The following VPS35L variants were observed in gnomAD, a reference collection of about 807,000 sequenced individuals.
VPS35L encodes VPS35 endosomal protein-sorting factor-like.
In VPS35L, 83 loss-of-function variants were observed where a neutral mutation model predicts 133.0. The ratio of observed to expected loss-of-function variants is 0.62; its 90% CI spans 0.52 to 0.75. The LOEUF (loss-of-function observed/expected upper bound fraction) is 0.75, where lower values mean the gene tolerates loss of function less well. VPS35L is among the 30% of genes least tolerant of loss of function. The pLI is 0.00. For synonymous variants in VPS35L, 423 were observed against 449.9 expected (o/e 0.94, Z 0.76); for missense variants, 1,083 against 1,206.8 (o/e 0.90, Z 1.52).
At chr16:19,665,335 A>G (rs1597410178) in intron 26 of VPS35L, among the ~76,000 whole-genome samples, 1 of 152,040 alleles carries the variant, frequency 6.6e-6, no homozygotes, top group Admixed American at 6.6e-5. Flanking sequence ...CCCCACCATT[A>G]CCCTTCCCAG....
In VPS35L at chr16:19,695,025, AC is replaced by A. The variant is rs200003033; in HGVS notation, c.2646+3555del. Among the ~76,000 whole-genome samples, 550 of 141,118 alleles carry A rather than the reference AC, an allele frequency of 3.9e-3. 2 individuals are homozygous for A. Among genetic ancestry groups the A allele is most frequent in the African/African-American group, 0.014 (488 of 33,918 alleles). 92.6% of individuals were successfully genotyped at this position (141,118 alleles called of 152,430 possible). ...TGTTTCAGAAAAAAAAAAAAAAAAG[AC>A]AGAGCTCAAGTGATCCGCCCACCTT... On this transcript the variant is annotated intron_variant, in intron 29 of 30. Coordinates refer to ENST00000417362, the MANE Select transcript of VPS35L (RefSeq NM_020314.7).
intron 26 of VPS35L, among the ~76,000 whole-genome samples, chr16:19,664,863 G>T (rs1256864411): frequency 6.7e-6 from 1 of 149,924 alleles, no homozygotes; most frequent in African/African-American, 2.5e-5. Flanking sequence ...TCACATCACC[G>T]CATTCCAGCC....
Position 19,628,662 on chromosome 16 carries a change from T to C in VPS35L, c.1409T>C (p.Leu470Ser). The change falls in exon 17 of 31, where the codon TTA (leucine) becomes TCA (serine). Residue 470 changes from leucine to serine, a missense_variant. Transcript: ENST00000417362. ...CATCTTCTTTTTCGATCACTGGGATTAAACTTGGCCTTGGCTGATCCTCCT... is the reference window on the plus strand; with the variant it reads ...CATCTTCTTTTTCGATCACTGGGATCAAACTTGGCCTTGGCTGATCCTCCT... ...PKHLLFRSLGLNLALADPPES... is the reference protein window; with the variant it reads ...PKHLLFRSLGSNLALADPPES... 1 of 1,596,050 alleles carries C rather than the reference T, an allele frequency of 6.3e-7. No individual in the cohort carries two copies.
At chr16:19,645,446 C>A (rs987980229) in intron 23 of VPS35L, among the ~76,000 whole-genome samples, 16 of 152,218 alleles carry the variant, frequency 1.1e-4, no homozygotes, top group Admixed American at 9.8e-4. Context: ...CCCGGCACCA[C>A]GCCCGGCTAA....
chr16:19,593,753 C>T (rs1221664134), intron 8 of VPS35L, among the ~76,000 whole-genome samples: 1 of 152,044 alleles, frequency 6.6e-6, no homozygotes, highest in African/African-American at 2.4e-5. Context: ...CCCGTCTCTA[C>T]TAAAAATACA....
intron 7 of VPS35L, among the ~76,000 whole-genome samples, chr16:19,583,622 T>C (rs1971773014): frequency 6.6e-6 from 1 of 151,622 alleles, no homozygotes; most frequent in Non-Finnish European, 1.5e-5. Flanking sequence ...CTTGGGAGGC[T>C]GAGGCACGAG....
intron 19 of VPS35L, among the ~76,000 whole-genome samples, chr16:19,636,932 A>C (rs6497394): frequency 0.085 from 12,914 of 152,034 alleles, 738 homozygotes; most frequent in East Asian, 0.22. Context: ...TTGGCCTTTA[A>C]CTCTACCAGC....
rs376322361 is a variant in VPS35L, at chr16:19,699,487, C to A, written c.2647-15C>A. On this transcript the variant is annotated splice_polypyrimidine_tract_variant and intron_variant, in intron 29 of 30. Transcript: ENST00000417362. This position sits in a 1 kb window ranked among gnomAD's most constrained non-coding sequence, Gnocchi z 4.2. ...AGCCCCAGTGCAAGGCAGTAACCTC[C>A]CTTTTCTGTTTCAGGCCCTGAAGCG... 7.4e-5 allele frequency: 120 copies of A among 1,613,686 alleles called. No individual in the cohort carries two copies. Among genetic ancestry groups the A allele is most frequent in the Non-Finnish European group, 9.5e-5 (112 of 1,179,824 alleles).
At chr16:19,656,988 C>G (rs1408447514) in intron 26 of VPS35L, among the ~76,000 whole-genome samples, 52 of 111,128 alleles carry the variant, frequency 4.7e-4, no homozygotes, top group African/African-American at 1.8e-3. Flanking sequence ...TTTTTTGAGG[C>G]AGAGTCCTGC....
intron 21 of VPS35L, among the ~76,000 whole-genome samples, chr16:19,641,213 C>T (rs113756314): frequency 0.2 from 31,091 of 151,784 alleles, 3,932 homozygotes; most frequent in Non-Finnish European, 0.27. Flanking sequence ...TATATGCACC[C>T]ACCTCCACGT....
At chr16:19,671,487 A>G (rs1974871535) in intron 27 of VPS35L, among the ~76,000 whole-genome samples, 1 of 141,564 alleles carries the variant, frequency 7.1e-6, no homozygotes, top group Non-Finnish European at 1.5e-5. Context: ...AAAAAAATGT[A>G]TTCCAAGGGC....
chr16:19,574,167 G>T (rs1174701353), intron 4 of VPS35L, among the ~76,000 whole-genome samples: 1 of 152,104 alleles, frequency 6.6e-6, no homozygotes, highest in African/African-American at 2.4e-5. Flanking sequence ...CCCTCCTTAC[G>T]CTGGAGAAAA....
At chr16:19,662,200 C>G (rs919043791) in intron 26 of VPS35L, among the ~76,000 whole-genome samples, 36 of 151,930 alleles carry the variant, frequency 2.4e-4, no homozygotes, top group Admixed American at 6.6e-5. Flanking sequence ...AAGGCCCTGT[C>G]TCAAAAAATA....
intron 5 of VPS35L, among the ~76,000 whole-genome samples, chr16:19,575,608 A>G (rs1251084640): frequency 6.6e-6 from 1 of 150,896 alleles, no homozygotes; most frequent in Non-Finnish European, 1.5e-5. Flanking sequence ...CACCTGTGTA[A>G]TCCCAGCACT....
chr16:19,583,418 A>G (rs895616295), intron 7 of VPS35L, among the ~76,000 whole-genome samples: 5 of 152,170 alleles, frequency 3.3e-5, no homozygotes, highest in African/African-American at 9.7e-5. Flanking sequence ...ATAATTCTAC[A>G]TATTTATGGG....
At chr16:19,688,932 A>G (rs895844108) in intron 28 of VPS35L, among the ~76,000 whole-genome samples, 19 of 152,264 alleles carry the variant, frequency 1.2e-4, no homozygotes, top group Non-Finnish European at 2.5e-4. Flanking sequence ...TGTTCCCAGT[A>G]GGGACCAACT....
intron 29 of VPS35L, among the ~76,000 whole-genome samples, chr16:19,695,941 T>C (rs1444129199): frequency 6.6e-6 from 1 of 152,030 alleles, no homozygotes; most frequent in African/African-American, 2.4e-5. Flanking sequence ...GACTGGAGTG[T>C]AGTGGCACAA....
chr16:19,620,593 GCATGCCTATACCAAAACATCT>G (rs771356243), intron 14 of VPS35L, among the ~76,000 whole-genome samples: 28 of 152,036 alleles, frequency 1.8e-4, no homozygotes, highest in Non-Finnish European at 4.0e-4. Flanking sequence ...ATTATGTATT[GCATGCCTATACCAAAACATCT>G]CATGTACCCC....
chr16:19,691,815 C>A (rs1203968419), intron 29 of VPS35L, among the ~76,000 whole-genome samples: 1 of 151,820 alleles, frequency 6.6e-6, no homozygotes, highest in Non-Finnish European at 1.5e-5. Context: ...CTGAAATGTT[C>A]TGTCTGTCCA....
Sources: gnomAD v4.1 joint callset for allele counts (sites outside exome capture counted in the v4.1 genomes callset) on GRCh38, gnomAD v4.1.1 for gene constraint, Gnocchi (gnomAD v3.1) non-coding constraint, MANE v1.5 for transcripts, NCBI Gene and HGNC (gene_info 2026-07-23, HGNC 2026-07-21) for gene names.